SORCS3: variants seen among roughly 807,000 people sequenced by gnomAD.
SORCS3 encodes sortilin related VPS10 domain containing receptor 3.
A neutral mutation model predicts 146.3 loss-of-function variants in SORCS3; 57 were observed. The ratio of observed to expected loss-of-function variants is 0.39; its 90% CI spans 0.31 to 0.49. SORCS3 has a LOEUF of 0.49. Among genes scored for constraint, SORCS3 ranks in the 20% least tolerant of loss-of-function variants. SORCS3 has a pLI of 0.92. For missense variants in SORCS3, 1,341 were observed against 1,575.5 expected (o/e 0.85, Z 2.52); for synonymous variants, 653 against 618.5 (o/e 1.06, Z -0.83).
intron 4 of SORCS3, among the ~76,000 whole-genome samples, chr10:105,001,943 T>A (rs1418800372): frequency 2.2e-4 from 33 of 152,182 alleles, no homozygotes; most frequent in Admixed American, 2.2e-3. Context: ...TTCACAGACA[T>A]GTCTGACTTC....
chr10:104,699,214 T>C (rs184841766), intron 1 of SORCS3, among the ~76,000 whole-genome samples: 4 of 152,160 alleles, frequency 2.6e-5, no homozygotes, highest in Non-Finnish European at 5.9e-5. Context: ...ACTTTAGCTG[T>C]GGGTGTCCCA....
chr10:105,200,867 C>A (rs146368893), intron 15 of SORCS3, among the ~76,000 whole-genome samples: 1 of 152,084 alleles, frequency 6.6e-6, no homozygotes, highest in Non-Finnish European at 1.5e-5. Flanking sequence ...GGAGCAGAAA[C>A]GGGATGATGT....
At chr10:105,192,047 T>TA (rs1298986150) in intron 14 of SORCS3, among the ~76,000 whole-genome samples, 1 of 137,972 alleles carries the variant, frequency 7.2e-6, no homozygotes, top group Admixed American at 7.3e-5. Flanking sequence ...AAACAAAGAA[T>TA]AAAAAACTTC....
intron 5 of SORCS3, among the ~76,000 whole-genome samples, chr10:105,086,233 G>A (rs2055659504): frequency 6.6e-6 from 1 of 152,162 alleles, no homozygotes; most frequent in Admixed American, 6.5e-5. Flanking sequence ...TGCTGTGATT[G>A]ACCAGCCTGG....
At chr10:105,098,864 G>A (rs1167176559) in intron 6 of SORCS3, among the ~76,000 whole-genome samples, 1 of 152,188 alleles carries the variant, frequency 6.6e-6, no homozygotes, top group African/African-American at 2.4e-5. Context: ...TGGTAGGACT[G>A]CTGAGATATT....
At chr10:105,057,620 T>A (rs1462444568) in intron 5 of SORCS3, among the ~76,000 whole-genome samples, 1 of 152,200 alleles carries the variant, frequency 6.6e-6, no homozygotes, top group African/African-American at 2.4e-5. Context: ...AGTTTGGTGC[T>A]AATGCACTGG....
At chr10:104,950,327 C>G (rs1229169888) in intron 3 of SORCS3, among the ~76,000 whole-genome samples, 7 of 152,150 alleles carry the variant, frequency 4.6e-5, no homozygotes, top group African/African-American at 1.7e-4. Flanking sequence ...AGGTTGGATG[C>G]TAGTTCCTGC....
intron 1 of SORCS3, among the ~76,000 whole-genome samples, chr10:104,827,236 T>C (rs935769112): frequency 6.6e-6 from 1 of 152,188 alleles, no homozygotes; most frequent in Non-Finnish European, 1.5e-5. Flanking sequence ...CGGTTTTCAA[T>C]TTACTTTGCT....
chr10:105,141,048 T>C (rs2056092075), intron 8 of SORCS3, among the ~76,000 whole-genome samples: 2 of 152,206 alleles, frequency 1.3e-5, no homozygotes, highest in Non-Finnish European at 2.9e-5. Context: ...TAGGGAACTT[T>C]CCAAGCCATC....
intron 1 of SORCS3, among the ~76,000 whole-genome samples, chr10:104,837,663 A>C (rs560754143): frequency 6.6e-6 from 1 of 152,196 alleles, no homozygotes; most frequent in Non-Finnish European, 1.5e-5. Flanking sequence ...AGAAAACAAA[A>C]GTTATCTTTA....
At chr10:104,979,935 T>C (rs2054922762) in intron 4 of SORCS3, among the ~76,000 whole-genome samples, 1 of 152,180 alleles carries the variant, frequency 6.6e-6, no homozygotes, top group African/African-American at 2.4e-5. Context: ...TTTTTATTTC[T>C]ATAGAGGCAA....
chr10:104,769,810 C>T (rs934784541), intron 1 of SORCS3, among the ~76,000 whole-genome samples: 1 of 152,084 alleles, frequency 6.6e-6, no homozygotes, highest in African/African-American at 2.4e-5. Flanking sequence ...TGTGTCAGCT[C>T]CTTATCTGCA....
At chr10:104,694,927 G>C (rs1261325478) in intron 1 of SORCS3, among the ~76,000 whole-genome samples, 1 of 152,148 alleles carries the variant, frequency 6.6e-6, no homozygotes, top group Admixed American at 6.5e-5. Flanking sequence ...TATTTTATTA[G>C]TTTTAAAATT....
chr10:104,971,081 C>T (rs1019847544), intron 3 of SORCS3, among the ~76,000 whole-genome samples: 2 of 152,194 alleles, frequency 1.3e-5, no homozygotes, highest in African/African-American at 4.8e-5. Flanking sequence ...AGTTGTGCTT[C>T]TGACGAAGCC....
intron 1 of SORCS3, among the ~76,000 whole-genome samples, chr10:104,689,891 A>G (rs1303452963): frequency 6.6e-6 from 1 of 152,172 alleles, no homozygotes; most frequent in Non-Finnish European, 1.5e-5. Context: ...GTACCATCCC[A>G]TCTTGTCTGT....
intron 1 of SORCS3, among the ~76,000 whole-genome samples, chr10:104,790,714 C>A (rs2017486996): frequency 6.6e-6 from 1 of 152,142 alleles, no homozygotes; most frequent in African/African-American, 2.4e-5. Flanking sequence ...GACAATTCAG[C>A]AGCTATTCTA....
At chr10:105,122,167 A>G (rs1288599947) in intron 7 of SORCS3, among the ~76,000 whole-genome samples, 3 of 152,200 alleles carry the variant, frequency 2.0e-5, no homozygotes, top group African/African-American at 7.2e-5. Context: ...TGTTGACTGA[A>G]AAGTAGATGA....
At chr10:105,168,610 T>C (rs1354496920) in intron 13 of SORCS3, among the ~76,000 whole-genome samples, 2 of 152,192 alleles carry the variant, frequency 1.3e-5, no homozygotes, top group South Asian at 2.1e-4. Context: ...AGAGTAAGAA[T>C]TTTACTGGAA....
intron 4 of SORCS3, among the ~76,000 whole-genome samples, chr10:105,016,212 C>T (rs1415311198): frequency 1.5e-5 from 2 of 135,654 alleles, no homozygotes; most frequent in African/African-American, 5.8e-5. Flanking sequence ...AATGCAGTGG[C>T]GCGATCTCGG....
Sources: gnomAD v4.1 joint callset for allele counts (sites outside exome capture counted in the v4.1 genomes callset) on GRCh38, gnomAD v4.1.1 for gene constraint, MANE v1.5 for transcripts, NCBI Gene and HGNC (gene_info 2026-07-23, HGNC 2026-07-21) for gene names.